GRHL1: variants seen among roughly 807,000 people sequenced by gnomAD.
GRHL1 encodes grainyhead-like protein 1 homolog.
Under a neutral mutation model 75.7 loss-of-function variants are expected in GRHL1, and 38 were observed. The ratio of observed to expected loss-of-function variants is 0.50; its 90% confidence interval spans 0.39 to 0.66. The LOEUF (loss-of-function observed/expected upper bound fraction) is 0.66, where lower values mean the gene tolerates loss of function less well. Among genes scored for constraint, GRHL1 ranks in the 30% least tolerant of loss-of-function variants. The probability of loss-of-function intolerance (pLI) is 0.00; values close to 1 mark genes in which losing one functional copy is unlikely to be tolerated. For missense variants in GRHL1, 589 were observed against 767.5 expected (o/e 0.77, Z 2.75); for synonymous variants, 266 against 279.4 (o/e 0.95, Z 0.48).
rs1668598519 is a variant in GRHL1, at chr2:9,990,641, T to TA, written c.1270-54dup. The TA allele has an allele frequency of 8.7e-7, 1 of 1,147,878 alleles. No homozygotes were observed. Among genetic ancestry groups the TA allele is most frequent in the Non-Finnish European group, 1.3e-6 (1 of 791,184 alleles). 71.1% of individuals were successfully genotyped at this position (1,147,878 alleles called of 1,614,324 possible). A position where few individuals can be genotyped will look rare whatever the true frequency, so the allele number is the denominator to read the frequency against. ...TCCATTGGTCAGGATAAGAGTTAAA[T>TA]ATTTTAAAGAAGATTGGAAAACAGA... On this transcript the variant is annotated intron_variant, in intron 9 of 15. Transcript: ENST00000324907. This position sits in a 1 kb window ranked among gnomAD's most constrained non-coding sequence, Gnocchi z 4.2.
Position 10,001,051 on chromosome 2 carries a change from C to G in GRHL1, c.*344C>G, listed in dbSNP as rs750040770. On this transcript the variant is annotated 3_prime_UTR_variant, in exon 16 of 16. Transcript: ENST00000324907. The stretch of plus-strand genomic sequence containing the variant: ...TTTATCAAAATATTGGGATCTCTGC[C>G]TTGTGCCTACAGTGTCGTGGGCCTG... 5.5e-4 allele frequency: 92 copies of G among 167,946 alleles called. No individual in the cohort carries two copies. Among genetic ancestry groups the G allele is most frequent in the Non-Finnish European group, 1.1e-3 (84 of 78,250 alleles). The allele number at this position is 167,946 out of a possible 1,614,324, so 10.4% of individuals were successfully genotyped here.
chr2:9,997,407 G>A (rs926998158), intron 14 of GRHL1, among the ~76,000 whole-genome samples: 1 of 152,180 alleles, frequency 6.6e-6, no homozygotes, highest in African/African-American at 2.4e-5. Context: ...GTGTCACTCA[G>A]TGCATCCCTG....
rs1467973814 is a variant in GRHL1 at position 9,998,476 on chromosome 2, A to T, written c.1678-489A>T. Among the ~76,000 whole-genome samples the T allele has an allele frequency of 2.6e-4, 9 of 34,048 alleles. 4 individuals carry two copies. The highest frequency in any genetic ancestry group is 2.6e-3 in the African/African-American group (9 of 3,440). The allele number at this position is 34,048 out of a possible 152,430, so 22.3% of individuals were successfully genotyped here. A position where few individuals can be genotyped will look rare whatever the true frequency, so the allele number is the denominator to read the frequency against. ...TATATATACATATATATACGTATAT[A>T]TATACATATATATACGTATATATAC... On this transcript the variant is annotated intron_variant, in intron 14 of 15. Coordinates refer to ENST00000324907, the MANE Select transcript of GRHL1 (RefSeq NM_198182.3).
chr2:9,988,887 A>G (rs898743055), intron 9 of GRHL1, among the ~76,000 whole-genome samples: 1 of 152,104 alleles, frequency 6.6e-6, no homozygotes, highest in African/African-American at 2.4e-5. Context: ...CTTATTCTTT[A>G]TAGATACACA....
chr2:9,991,079 T>C (rs763552741), intron 10 of GRHL1, among the ~76,000 whole-genome samples: 2 of 152,226 alleles, frequency 1.3e-5, no homozygotes, highest in Admixed American at 1.3e-4. Context: ...TTGGGACTTA[T>C]CTAGATTTTT....
At position 9,990,302 on chromosome 2, in the gene GRHL1, T is replaced by C. The variant is rs149244778; in HGVS notation, c.1270-394T>C. Among the ~76,000 whole-genome samples, 3,988 of 151,968 alleles carry C rather than the reference T, an allele frequency of 0.026. 174 individuals are homozygous for C. The highest frequency in any genetic ancestry group is 0.09 in the African/African-American group (3,749 of 41,448). Reference sequence around the variant, plus strand: ...AGTAGCTGGGACTACAGGTGCCCGCTACCACGCCTGGCTAATTTTTGTATT... The same window carrying C: ...AGTAGCTGGGACTACAGGTGCCCGCCACCACGCCTGGCTAATTTTTGTATT... On this transcript the variant is annotated intron_variant, in intron 9 of 15. Coordinates refer to ENST00000324907, the MANE Select transcript of GRHL1 (RefSeq NM_198182.3). This position sits in a 1 kb window ranked among gnomAD's most constrained non-coding sequence, Gnocchi z 4.2.
intron 15 of GRHL1, among the ~76,000 whole-genome samples, chr2:9,999,380 C>T (rs1268252358): frequency 1.3e-5 from 2 of 152,272 alleles, no homozygotes; most frequent in Non-Finnish European, 1.5e-5. Flanking sequence ...CATGGCTCCA[C>T]ACTCCAGGGT....
intron 12 of GRHL1, among the ~76,000 whole-genome samples, chr2:9,994,574 G>A (rs559134209): frequency 6.6e-6 from 1 of 151,988 alleles, no homozygotes; most frequent in African/African-American, 2.4e-5. Context: ...CTTTGAAGGC[G>A]AGGCCTGCAC....
chr2:9,996,083 T>G (rs1167187415), intron 13 of GRHL1, 113 bp downstream of exon 13: 1 of 796,388 alleles, frequency 1.3e-6, no homozygotes, highest in African/African-American at 1.7e-5. Flanking sequence ...GCTTGGGAAT[T>G]CTTCCATCAG....
intron 8 of GRHL1, among the ~76,000 whole-genome samples, chr2:9,978,939 TGAG>T (rs1311381809): frequency 2.0e-5 from 3 of 151,108 alleles, no homozygotes; most frequent in Non-Finnish European, 3.0e-5. Flanking sequence ...TTCAGTGAGC[TGAG>T]ATCGCGCCAT....
In GRHL1 at chr2:9,995,938, C is replaced by A. The variant is rs1379075154; in HGVS notation, c.1559C>A (p.Thr520Asn). 4 of 1,611,402 alleles carry A rather than the reference C, an allele frequency of 2.5e-6. No homozygotes were observed. Among genetic ancestry groups the A allele is most frequent in the African/African-American group, 1.3e-5 (1 of 74,894 alleles). The change falls in exon 13 of 16, where the codon ACC (threonine) becomes AAC (asparagine). Residue 520 changes from threonine to asparagine, a missense_variant. Coordinates refer to ENST00000324907, the MANE Select transcript of GRHL1 (RefSeq NM_198182.3). ...GATGACTTTGCTGTCCCTCCTTCTA[C>A]CAAGCTGGCCCGGATAGAAGAACCA... The part of the protein sequence containing the change: ...TEDDFAVPPS[T>N]KLARIEEPKR...
intron 8 of GRHL1, among the ~76,000 whole-genome samples, chr2:9,976,108 C>T (rs11690301): frequency 0.012 from 1,843 of 152,172 alleles, 42 homozygotes; most frequent in African/African-American, 0.042. Context: ...GTCATTCGTC[C>T]AGGAAACGTG....
chr2:9,953,319 A>G lies in GRHL1; in HGVS notation c.20+1466A>G, dbSNP rs76409439. 6.7e-3 allele frequency among the ~76,000 whole-genome samples: 1,016 copies of G among 152,378 alleles called. 9 individuals are homozygous for G. The highest frequency in any genetic ancestry group is 0.023 in the African/African-American group (960 of 41,592). On this transcript the variant is annotated intron_variant, in intron 1 of 15. Transcript: ENST00000324907. ...TCTGGAAGTAGCTATTACGCTATTA[A>G]TTATAGCTTAGCAGTACATCAGTCA... is the stretch of plus-strand genomic sequence containing the variant.
intron 2 of GRHL1, among the ~76,000 whole-genome samples, 154 bp from the exon 3 acceptor site, chr2:9,958,632 A>T (rs946904581): frequency 1.3e-5 from 2 of 152,212 alleles, no homozygotes; most frequent in Non-Finnish European, 1.5e-5. Context: ...GAGGGCAGAT[A>T]TTATAATTTG....
chr2:9,974,687 A>G (rs746040506), intron 8 of GRHL1, among the ~76,000 whole-genome samples: 7 of 152,204 alleles, frequency 4.6e-5, no homozygotes, highest in Non-Finnish European at 1.0e-4. Context: ...CATCCAGGAA[A>G]TTCTATGCAA....
In GRHL1 at chr2:9,998,454, A is replaced by G. The variant is rs575479574; in HGVS notation, c.1678-511A>G. Among the ~76,000 whole-genome samples the G allele has an allele frequency of 5.2e-3, 154 of 29,702 alleles. 12 individuals are homozygous for G. The highest frequency in any genetic ancestry group is 0.035 in the African/African-American group (131 of 3,764). The allele number at this position is 29,702 out of a possible 152,430, so 19.5% of individuals were successfully genotyped here. A position where few individuals can be genotyped will look rare whatever the true frequency, so the allele number is the denominator to read the frequency against. On this transcript the variant is annotated intron_variant, in intron 14 of 15. Coordinates refer to ENST00000324907, the MANE Select transcript of GRHL1 (RefSeq NM_198182.3). ...TGTGTGTGTGTGTGTGTGTGTATAT[A>G]TATACATATATATACGTATATATAT...
At chr2:9,976,829 T>C (rs759064096) in intron 8 of GRHL1, among the ~76,000 whole-genome samples, 3 of 152,172 alleles carry the variant, frequency 2.0e-5, no homozygotes, top group Non-Finnish European at 4.4e-5. Context: ...GTGTGTAGTA[T>C]TCACATTTGG....
intron 8 of GRHL1, among the ~76,000 whole-genome samples, chr2:9,973,203 G>C (rs1364329664): frequency 3.3e-5 from 5 of 152,162 alleles, no homozygotes; most frequent in African/African-American, 1.2e-4. Flanking sequence ...GTAGCATTCT[G>C]CCCTGGGAGA....
rs1258244261 is a variant in GRHL1 at position 9,964,250 on chromosome 2, G to T, written c.919G>T (p.Val307Phe). ...TCTTTCACAGAGTGTGATCATGGTG[G>T]TTTTTGCTGAAGACAAAAGCAGAGA... ...ISKVRSVIMV[V>F]FAEDKSREDQ... Residue 307 changes from valine (V) to phenylalanine (F), a missense_variant, in exon 7 of 16, where the codon GTT becomes TTT. Around this residue, in one of 5 missense-constraint regions of GRHL1, gnomAD observed 362 missense variants for 461.8 expected, o/e 0.78. Transcript: ENST00000324907. The T allele has an allele frequency of 1.9e-6, 3 of 1,606,078 alleles. No individual in the cohort carries two copies. In the Admixed American group the frequency reaches 5.0e-5, roughly 27 times the overall value.
Sources: gnomAD v4.1 joint callset for allele counts (sites outside exome capture counted in the v4.1 genomes callset) on GRCh38, gnomAD v4.1.1 for gene constraint, gnomAD v4.1.1 regional missense constraint, Gnocchi (gnomAD v3.1) non-coding constraint, MANE v1.5 for transcripts, NCBI Gene and HGNC (gene_info 2026-07-23, HGNC 2026-07-21) for gene names.